DNAAF4: variants seen among roughly 807,000 people sequenced by gnomAD.
DNAAF4 encodes the protein dynein axonemal assembly factor 4.
A neutral mutation model predicts 51.8 loss-of-function variants in DNAAF4; 43 were observed. That is an observed-to-expected ratio of 0.83 (90% confidence interval 0.65 to 1.07). DNAAF4 has a LOEUF of 1.07. Among genes scored for constraint, DNAAF4 ranks in the 50% least tolerant of loss-of-function variants. The pLI is 0.00. For synonymous variants in DNAAF4, 194 were observed against 165.6 expected (o/e 1.17, Z -1.32); for missense variants, 581 against 493.0 (o/e 1.18, Z -1.69).
At position 55,424,864 on chromosome 15, in the gene DNAAF4, C is replaced by T. The variant is rs184492020; in HGVS notation, c.1048-6731G>A. ...GCGTGAGACCCCGTGCCCGGCTGTA[C>T]CTTGCTTTTTTTTTGGAGATGGAGT... On this transcript the variant is annotated intron_variant, in intron 7 of 7. Coordinates refer to the DNAAF4 transcript ENST00000448430. Among the ~76,000 whole-genome samples the T allele has an allele frequency of 1.0e-3, 153 of 149,896 alleles. 1 individual carries two copies. Among genetic ancestry groups the T allele is most frequent in the African/African-American group, 3.4e-3 (139 of 40,844 alleles).
chr15:55,464,071 C>G (rs987861017), intron 5 of DNAAF4, among the ~76,000 whole-genome samples: 1 of 152,174 alleles, frequency 6.6e-6, no homozygotes, highest in Non-Finnish European at 1.5e-5. Context: ...TACAAGGCCA[C>G]AGTTACCAAA....
rs776506311 is a variant in DNAAF4 at position 55,418,211 on chromosome 15, T to G, written c.1048-78A>C. The G allele has an allele frequency of 7.6e-6, 12 of 1,571,882 alleles. No individual in the cohort carries two copies. The South Asian group carries it at 1.4e-4, about 19-fold the overall frequency. ...TTATAATGGAGAATGATTTTATGTG[T>G]TTATCTTTTAGGATAAGAAAAGTAC... On this transcript the variant is annotated intron_variant, in intron 7 of 7. Transcript: ENST00000448430.
At chr15:55,427,060 GT>G (rs199888867), downstream of DNAAF4, among the ~76,000 whole-genome samples, 1 of 150,842 alleles carries the variant, frequency 6.6e-6, no homozygotes, top group Non-Finnish European at 1.5e-5. Flanking sequence ...GAGTTTTTTT[GT>G]TTTTTTTTGT....
chr15:55,501,921 T>C (rs2058701459), intron 1 of DNAAF4, among the ~76,000 whole-genome samples: 1 of 151,748 alleles, frequency 6.6e-6, no homozygotes, highest in South Asian at 2.1e-4. Context: ...TGTGTGCCTG[T>C]AATCCCAGCT....
Position 55,439,458 on chromosome 15 carries a change from T to C in DNAAF4, c.893+14A>G, listed in dbSNP as rs1389975411. 1.2e-6 allele frequency: 2 copies of C among 1,600,718 alleles called. No homozygotes were observed. Among genetic ancestry groups the C allele is most frequent in the South Asian group, 2.2e-5 (2 of 90,598 alleles). ...TACATGATAAAGCTCATGATCAGAG[T>C]TCAAACAACTTACTTTCCTTTATCC... On this transcript the variant is annotated intron_variant, in intron 7 of 9. Transcript: ENST00000321149.
At chr15:55,497,619 C>A in intron 3 of DNAAF4, 93 bp downstream of exon 3, 1 of 1,429,708 alleles carries the variant, frequency 7.0e-7, no homozygotes, top group Admixed American at 2.4e-5. Context: ...CTATCTTCCC[C>A]TACACAATAT....
At chr15:55,458,119 C>G (rs1038214252) in intron 5 of DNAAF4, among the ~76,000 whole-genome samples, 3 of 152,078 alleles carry the variant, frequency 2.0e-5, no homozygotes, top group Non-Finnish European at 4.4e-5. Context: ...AGTAATATGA[C>G]AATACAAGGT....
rs1479627957 is a variant in DNAAF4 at position 55,497,791 on chromosome 15, T to C, written c.192A>G (p.Ala64=). ...AGACAATGGTGTCATTCCCAATCTT[T>C]GCTTTGCTGCTCTCATCGTCTATGG... is the stretch of plus-strand genomic sequence containing the variant. ...YAPIDDESSK[A]KIGNDTIVFT... Residue 64 remains alanine (A), a synonymous_variant, in exon 3 of 10, where the codon GCA becomes GCG. Coordinates refer to ENST00000321149, the MANE Select transcript of DNAAF4 (RefSeq NM_130810.4). 5.0e-6 allele frequency: 8 copies of C among 1,614,128 alleles called. No homozygotes were observed. The highest frequency in any genetic ancestry group is 6.8e-6 in the Non-Finnish European group (8 of 1,180,014).
downstream of DNAAF4, among the ~76,000 whole-genome samples, chr15:55,430,054 T>C (rs1282316963): frequency 6.6e-6 from 1 of 152,208 alleles, no homozygotes; most frequent in Admixed American, 6.6e-5. Flanking sequence ...AAAATTTATC[T>C]TCACCAGATA....
Position 55,502,892 on chromosome 15 carries a change from A to C in DNAAF4, c.-255-4308T>G, listed in dbSNP as rs546407023. Among the ~76,000 whole-genome samples the C allele has an allele frequency of 9.2e-5, 14 of 152,304 alleles. No individual in the cohort carries two copies. The East Asian group carries it at 1.9e-3, about 21-fold the overall frequency. On this transcript the variant is annotated intron_variant, in intron 1 of 9. Coordinates refer to ENST00000321149, the MANE Select transcript of DNAAF4 (RefSeq NM_130810.4). ...GAGAAGCAAGAGCAAACACATTCAA[A>C]AGCTAGCAGAAGGCAAGAAATAACT...
At chr15:55,486,194 G>GT (rs750587912) in intron 4 of DNAAF4, among the ~76,000 whole-genome samples, 5,735 of 131,370 alleles carry the variant, frequency 0.044, 342 homozygotes, top group African/African-American at 0.16. Flanking sequence ...TGGTTGGTTG[G>GT]TTTTTTTTTT....
intron 4 of DNAAF4, among the ~76,000 whole-genome samples, chr15:55,478,079 C>T (rs1057420887): frequency 1.3e-5 from 2 of 152,062 alleles, no homozygotes; most frequent in African/African-American, 4.8e-5. Context: ...CCTCACTGCC[C>T]CTGTCCAGGA....
chr15:55,459,147 C>A (rs1284974383), intron 5 of DNAAF4, among the ~76,000 whole-genome samples: 1 of 150,996 alleles, frequency 6.6e-6, no homozygotes, highest in Non-Finnish European at 1.5e-5. Context: ...ATCAGATTAA[C>A]AGCAGATTTC....
At chr15:55,489,674 C>CAAAA (rs756823133) in intron 4 of DNAAF4, among the ~76,000 whole-genome samples, 2 of 80,832 alleles carry the variant, frequency 2.5e-5, no homozygotes, top group Non-Finnish European at 5.3e-5. Flanking sequence ...GACACCATTT[C>CAAAA]AAAAAAAAAA....
At chr15:55,497,142 C>T (rs1567035661) in intron 3 of DNAAF4, among the ~76,000 whole-genome samples, 1 of 152,142 alleles carries the variant, frequency 6.6e-6, no homozygotes, top group Non-Finnish European at 1.5e-5. Context: ...AGTCCCTAAA[C>T]TCTCAAATCT....
chr15:55,498,413 C>T lies in DNAAF4; in HGVS notation c.-84G>A. 2.0e-6 allele frequency: 3 copies of T among 1,531,802 alleles called. No individual in the cohort carries two copies. Among genetic ancestry groups the T allele is most frequent in the Non-Finnish European group, 2.6e-6 (3 of 1,141,144 alleles). The allele number at this position is 1,531,802 out of a possible 1,614,324, so 94.9% of individuals were successfully genotyped here. The stretch of plus-strand genomic sequence containing the variant: ...TAGGGAAGCTGGGGTTACCATGCGC[C>T]AGCCCTTCCGGGTCAGGCCGGCCGG... On this transcript the variant is annotated 5_prime_UTR_variant, in exon 2 of 10. Coordinates refer to ENST00000321149, the MANE Select transcript of DNAAF4 (RefSeq NM_130810.4).
chr15:55,474,600 A>T (rs1463179934), intron 4 of DNAAF4, among the ~76,000 whole-genome samples: 2 of 152,210 alleles, frequency 1.3e-5, no homozygotes, highest in African/African-American at 4.8e-5. Flanking sequence ...CAAACTGGCA[A>T]TAAATAATTA....
In DNAAF4 at chr15:55,434,949, G is replaced by C; in HGVS notation, c.1003C>G (p.Leu335Val). Residue 335 changes from leucine to valine, a missense_variant, in exon 8 of 10, where the codon CTA becomes GTA. Transcript: ENST00000321149. ...GCCTTGTGTAAGTTTTTTAGTTTTA[G>C]GTGGCAAGCAGCCCGGTTCAAATAC... ...LLYLNRAACH[L>V]KLKNLHKAIE... The C allele has an allele frequency of 1.9e-6, 3 of 1,612,444 alleles. No individual in the cohort carries two copies. Among genetic ancestry groups the C allele is most frequent in the Non-Finnish European group, 1.7e-6 (2 of 1,179,598 alleles).
intron 1 of DNAAF4, among the ~76,000 whole-genome samples, chr15:55,500,366 T>TAA (rs373112579): frequency 6.6e-6 from 1 of 151,888 alleles, no homozygotes; most frequent in African/African-American, 2.4e-5. Flanking sequence ...TGGACTTTTT[T>TAA]AAAAAAATTT....
Sources: allele counts gnomAD v4.1 joint callset (sites outside exome capture counted in the v4.1 genomes callset), GRCh38; gene constraint gnomAD v4.1.1; transcripts MANE v1.5; gene names NCBI Gene and HGNC (gene_info 2026-07-23, HGNC 2026-07-21).